Variants in SLC35A5 observed in about 807,000 individuals in gnomAD.
SLC35A5 encodes solute carrier family 35 member A5.
In SLC35A5, 28 loss-of-function variants were observed where a neutral mutation model predicts 36.3. That is an observed-to-expected ratio of 0.77 (90% CI 0.57 to 1.06). SLC35A5 has a LOEUF of 1.06. Among genes scored for constraint, SLC35A5 ranks in the 50% least tolerant of loss-of-function variants. The probability of loss-of-function intolerance (pLI) is 0.00; values close to 1 mark genes in which losing one functional copy is unlikely to be tolerated. For synonymous variants in SLC35A5, 180 were observed against 173.7 expected (o/e 1.04, Z -0.29); for missense variants, 521 against 499.3 (o/e 1.04, Z -0.41).
intron 5 of SLC35A5, among the ~76,000 whole-genome samples, chr3:112,577,758 A>G (rs1934734085): frequency 6.6e-6 from 1 of 152,250 alleles, no homozygotes; most frequent in Non-Finnish European, 1.5e-5. Flanking sequence ...AAACAGCAGA[A>G]GAACAAAGAG....
At chr3:112,574,155 A>T (rs1934573187) in intron 5 of SLC35A5, among the ~76,000 whole-genome samples, 199 bp downstream of exon 5, 1 of 152,234 alleles carries the variant, frequency 6.6e-6, no homozygotes, top group Middle Eastern at 3.2e-3. Context: ...TGATCAGATG[A>T]ATGAAAATGT....
At chr3:112,569,835 C>T (rs1489780924) in intron 3 of SLC35A5, among the ~76,000 whole-genome samples, 1 of 152,218 alleles carries the variant, frequency 6.6e-6, no homozygotes, top group Non-Finnish European at 1.5e-5. Context: ...TGCGCCTCCG[C>T]TCCCTCCCTC....
chr3:112,572,643 C>T (rs1934497695), intron 4 of SLC35A5, among the ~76,000 whole-genome samples: 1 of 152,178 alleles, frequency 6.6e-6, no homozygotes, highest in Admixed American at 6.5e-5. Flanking sequence ...TTGTGAACAA[C>T]CATATATCTT....
chr3:112,569,240 T>G lies in SLC35A5; in HGVS notation c.200T>G (p.Val67Gly). The change falls in exon 3 of 7, where the codon GTG becomes GGG. Residue 67 changes from valine to glycine, a missense_variant. Physicochemically the swap from Val to Gly is moderately radical, Grantham distance 109. Transcript: ENST00000492406. Reference sequence around the variant, plus strand: ...GAACTGGTGAAGCTAGTTTTCTGTGTGCTTGTGTCATTCTGTGTTATAAAG... The same window carrying G: ...GAACTGGTGAAGCTAGTTTTCTGTGGGCTTGTGTCATTCTGTGTTATAAAG... The part of the protein sequence containing the change: ...CSELVKLVFC[V>G]LVSFCVIKKD... The G allele has an allele frequency of 6.2e-7, 1 of 1,614,032 alleles. No individual in the cohort carries two copies. Among genetic ancestry groups the G allele is most frequent in the Non-Finnish European group, 8.5e-7 (1 of 1,179,924 alleles).
chr3:112,570,924 A>G (rs779712058), intron 4 of SLC35A5, among the ~76,000 whole-genome samples: 20 of 152,160 alleles, frequency 1.3e-4, no homozygotes, highest in Admixed American at 6.5e-5. Flanking sequence ...AGAAATCTGA[A>G]GCCACCTCTT....
At chr3:112,582,011 G>GTT (rs1934952146) in intron 6 of SLC35A5, among the ~76,000 whole-genome samples, 1 of 152,164 alleles carries the variant, frequency 6.6e-6, no homozygotes. Flanking sequence ...TTATTGGCAA[G>GTT]TTAATGATCT....
In SLC35A5 at chr3:112,583,266, T is replaced by C. The variant is rs1200525023; in HGVS notation, c.*530T>C. 2.5e-6 allele frequency: 1 copy of C among 396,030 alleles called. No homozygotes were observed. The allele number at this position is 396,030 out of a possible 1,614,324, so 24.5% of individuals were successfully genotyped here. ...AGGACCTAAATACCTGGCCATACCA[T>C]AGATTTGGGATGATGTAGTCTGTGC... is the stretch of plus-strand genomic sequence containing the variant. On this transcript the variant is annotated 3_prime_UTR_variant, in exon 7 of 7. Transcript: ENST00000492406.
In SLC35A5 at chr3:112,584,638, A is replaced by G. The variant is rs1051908268; in HGVS notation, c.*1902A>G. ...AGAGAAAGAGTGAGAGCACAAGATC[A>G]TGTGCTGGAACTAAAAATGTTCTAT... On this transcript the variant is annotated 3_prime_UTR_variant, in exon 7 of 7. Transcript: ENST00000492406. 1 of 152,186 alleles carries G rather than the reference A, an allele frequency of 6.6e-6. No homozygotes were observed. The highest frequency in any genetic ancestry group is 1.5e-5 in the Non-Finnish European group (1 of 68,016). The allele number at this position is 152,186 out of a possible 1,614,324, so 9.4% of individuals were successfully genotyped here.
At position 112,569,186 on chromosome 3, in the gene SLC35A5, A is replaced by T. The variant is rs753548293; in HGVS notation, c.146A>T (p.Tyr49Phe). Residue 49 changes from tyrosine (Y) to phenylalanine (F), a missense_variant, in exon 3 of 7, where the codon TAT becomes TTT. By Grantham distance (22) the Tyr-to-Phe change is conservative. Transcript: ENST00000492406. ...YSANEENKYD[Y>F]LPTTVNVCSE... is the part of the protein sequence containing the mutation. ...TACATTTCAGAAAACAAGTATGATT[A>T]TCTTCCAACTACTGTGAATGTGTGC... 6 of 1,613,000 alleles carry T rather than the reference A, an allele frequency of 3.7e-6. No individual in the cohort carries two copies. The African/African-American group carries it at 6.7e-5, about 18-fold the overall frequency.
chr3:112,582,053 C>G (rs146607413), intron 6 of SLC35A5, among the ~76,000 whole-genome samples: 1 of 152,058 alleles, frequency 6.6e-6, no homozygotes, highest in Non-Finnish European at 1.5e-5. Context: ...GTTAAATATA[C>G]GTTTAAATAA....
rs747945426 is a variant in SLC35A5 at position 112,580,616 on chromosome 3, G to A, written c.499G>A (p.Gly167Arg). 9.9e-6 allele frequency: 16 copies of A among 1,613,904 alleles called. No homozygotes were observed. The highest frequency in any genetic ancestry group is 4.5e-5 in the East Asian group (2 of 44,894). ...LFLSIVALTA[G>R]TKTLQHNLAG... ...TTTGTCTATTGTGGCCTTGACTGCC[G>A]GGACTAAAACTTTACAGCACAACTT... The change falls in exon 6 of 7, where the codon GGG (glycine) becomes AGG (arginine). Residue 167 changes from glycine (G) to arginine (R), a missense_variant. Transcript: ENST00000492406.
intron 3 of SLC35A5, among the ~76,000 whole-genome samples, chr3:112,569,625 C>T (rs911613534): frequency 2.0e-5 from 3 of 152,148 alleles, no homozygotes; most frequent in African/African-American, 7.2e-5. Context: ...AAAATAGTTC[C>T]CATTTCCTGC....
intron 4 of SLC35A5, among the ~76,000 whole-genome samples, chr3:112,571,184 A>G (rs1335154158): frequency 6.6e-6 from 1 of 152,342 alleles, no homozygotes; most frequent in East Asian, 1.9e-4. Context: ...TGTCCTCCCA[A>G]CTAGAAATGC....
chr3:112,573,839 G>C (rs759406085), intron 4 of SLC35A5, 50 bp from the exon 5 acceptor site: 2 of 1,477,116 alleles, frequency 1.4e-6, no homozygotes, highest in African/African-American at 1.4e-5. Flanking sequence ...AGACATTTCT[G>C]AGGTCAGTAC....
In SLC35A5 at chr3:112,581,117, T is replaced by C; in HGVS notation, c.1000T>C (p.Leu334=). ...GTTCCTGGATAACATGTTCCATGTC[T>C]TGATGGCCCAGGTTACCACTGTCAT... ...LKFLDNMFHV[L]MAQVTTVIIT... Residue 334 remains leucine (L), a synonymous_variant, in exon 6 of 7, where the codon TTG becomes CTG. Coordinates refer to ENST00000492406, the MANE Select transcript of SLC35A5 (RefSeq NM_017945.5). 1 of 1,614,074 alleles carries C rather than the reference T, an allele frequency of 6.2e-7. No individual in the cohort carries two copies.
At chr3:112,564,381 G>C (rs528205857) in intron 2 of SLC35A5, 2 of 152,162 alleles carry the variant, frequency 1.3e-5, no homozygotes, top group African/African-American at 4.8e-5. Flanking sequence ...AGAATTAAGT[G>C]CTTTGCTTTA....
chr3:112,573,319 A>T (rs1934529860), intron 4 of SLC35A5, among the ~76,000 whole-genome samples: 1 of 152,224 alleles, frequency 6.6e-6, no homozygotes, highest in Non-Finnish European at 1.5e-5. Flanking sequence ...TGAATTCGTA[A>T]AAACAAATGG....
chr3:112,561,503 T>C, upstream of SLC35A5: 1 of 1,612,556 alleles, frequency 6.2e-7, no homozygotes. Context: ...TGCCTTTCCC[T>C]TCACAGTATT....
chr3:112,576,834 G>A (rs113176243), intron 5 of SLC35A5, among the ~76,000 whole-genome samples: 1 of 152,164 alleles, frequency 6.6e-6, no homozygotes, highest in Non-Finnish European at 1.5e-5. Flanking sequence ...AGTTGGTGGT[G>A]TGCATTGGTT....
Sources: gnomAD v4.1 joint callset for allele counts (sites outside exome capture counted in the v4.1 genomes callset) on GRCh38, gnomAD v4.1.1 for gene constraint, MANE v1.5 for transcripts, NCBI Gene and HGNC (gene_info 2026-07-23, HGNC 2026-07-21) for gene names.